The following TRIP6 variants were observed in gnomAD, a reference collection of about 807,000 sequenced individuals.
TRIP6 encodes thyroid hormone receptor interactor 6, also known as thyroid receptor-interacting protein 6.
In TRIP6, 33 loss-of-function variants were observed where a neutral mutation model predicts 51.9. The observed-to-expected ratio is 0.64, with a 90% CI of 0.48 to 0.85. TRIP6 has a LOEUF of 0.85. Among genes scored for constraint, TRIP6 ranks in the 40% least tolerant of loss-of-function variants. The pLI is 0.00. For missense variants in TRIP6, 661 were observed against 652.1 expected (o/e 1.01, Z -0.15); for synonymous variants, 255 against 275.8 (o/e 0.92, Z 0.75).
chr7:100,869,073 G>A (rs1173580747), intron 4 of TRIP6, among the ~76,000 whole-genome samples: 1 of 152,032 alleles, frequency 6.6e-6, no homozygotes, highest in Non-Finnish European at 1.5e-5. Flanking sequence ...TCAGCCTCCT[G>A]AATAACTGGA....
intron 4 of TRIP6, 117 bp downstream of exon 4, chr7:100,868,983 G>A (rs1815212440): frequency 7.6e-7 from 1 of 1,319,746 alleles, no homozygotes; most frequent in South Asian, 2.2e-5. Flanking sequence ...TTTTGCTCTT[G>A]TTTGCCCAGG....
In TRIP6 at chr7:100,873,246, G is replaced by A; in HGVS notation, c.1374G>A (p.Lys458=). ...CYPLDGHILC[K]ACSAWRIQEL... The stretch of plus-strand genomic sequence containing the variant: ...CGCTGGATGGGCACATCTTGTGCAA[G>A]GCCTGCAGCGCCTGGCGCATCCAGG... Residue 458 remains lysine (K), a synonymous_variant, in exon 9 of 9, where the codon AAG becomes AAA. Transcript: ENST00000200457. 1.2e-6 allele frequency: 2 copies of A among 1,613,610 alleles called. No individual in the cohort carries two copies. The highest frequency in any genetic ancestry group is 1.7e-6 in the Non-Finnish European group (2 of 1,179,648).
chr7:100,868,748 G>C lies in TRIP6; in HGVS notation c.617G>C (p.Gly206Ala). 1 of 1,553,612 alleles carries C rather than the reference G, an allele frequency of 6.4e-7. No individual in the cohort carries two copies. Among genetic ancestry groups the C allele is most frequent in the Non-Finnish European group, 8.7e-7 (1 of 1,153,460 alleles). Residue 206 changes from glycine (G) to alanine (A), a missense_variant, in exon 4 of 9, where the codon GGT becomes GCT. By Grantham distance (60) the Gly-to-Ala change is moderately conservative (BLOSUM62 0). Coordinates refer to ENST00000200457, the MANE Select transcript of TRIP6 (RefSeq NM_003302.3). ...PGPHFPLPGR[G>A]EVWGPGYRSQ... The stretch of plus-strand genomic sequence containing the variant: ...CCCCACTTTCCTCTCCCAGGCCGAG[G>C]TGAAGTCTGGGGGCCTGGCTATAGG...
intron 8 of TRIP6, 129 bp downstream of exon 8, chr7:100,872,873 C>T (rs1183671166): frequency 4.4e-5 from 56 of 1,283,704 alleles, no homozygotes; most frequent in South Asian, 7.8e-5. Flanking sequence ...TTTTTTGAGA[C>T]GGAGTCTTGC....
At position 100,873,436 on chromosome 7, in the gene TRIP6, C is replaced by A. The variant is rs1456129544; in HGVS notation, c.*133C>A. Reference sequence around the variant, plus strand: ...CTTTCTCCAATCAAGAAATAATAATCCCTCGAGTTTACAAAACACTTCCAA... The same window carrying A: ...CTTTCTCCAATCAAGAAATAATAATACCTCGAGTTTACAAAACACTTCCAA... On this transcript the variant is annotated 3_prime_UTR_variant, in exon 9 of 9. Coordinates refer to ENST00000200457, the MANE Select transcript of TRIP6 (RefSeq NM_003302.3). The A allele has an allele frequency of 5.9e-6, 8 of 1,352,650 alleles. No homozygotes were observed. Among genetic ancestry groups the A allele is most frequent in the Non-Finnish European group, 6.9e-6 (7 of 1,015,596 alleles). 83.8% of individuals were successfully genotyped at this position (1,352,650 alleles called of 1,614,324 possible).
rs1201926399 is a variant in TRIP6 at position 100,871,705 on chromosome 7, A to G, written c.1162A>G (p.Ile388Val). 5.6e-6 allele frequency: 9 copies of G among 1,613,820 alleles called. No individual in the cohort carries two copies. The African/African-American group carries it at 1.1e-4, about 19-fold the overall frequency. ...GGATGCTACGAGCCAGATCCACTGC[A>G]TTGAGGACTTTCACAGGTCAGGCCT... is the stretch of plus-strand genomic sequence containing the variant. ...TVDATSQIHC[I>V]EDFHRKFAPR... Residue 388 changes from isoleucine to valine, a missense_variant, in exon 7 of 9, where the codon ATT (isoleucine) becomes GTT (valine). By Grantham distance (29) the Ile-to-Val change is conservative (BLOSUM62 3). Coordinates refer to ENST00000200457, the MANE Select transcript of TRIP6 (RefSeq NM_003302.3).
chr7:100,868,380 G>C (rs535914968), intron 3 of TRIP6, 115 bp from the exon 4 acceptor site: 2 of 1,582,940 alleles, frequency 1.3e-6, no homozygotes, highest in Non-Finnish European at 8.6e-7. Flanking sequence ...ACTTGAGGAC[G>C]GGACCTTGTC....
At position 100,868,841 on chromosome 7, in the gene TRIP6, G is replaced by A. The variant is rs911719576; in HGVS notation, c.710G>A (p.Gly237Glu). 1.4e-5 allele frequency: 21 copies of A among 1,515,896 alleles called. No homozygotes were observed. Among genetic ancestry groups the A allele is most frequent in the Non-Finnish European group, 1.8e-5 (20 of 1,137,928 alleles). The allele number at this position is 1,515,896 out of a possible 1,614,324, so 93.9% of individuals were successfully genotyped here. A position where few individuals can be genotyped will look rare whatever the true frequency, so the allele number is the denominator to read the frequency against. The change falls in exon 4 of 9, where the codon GGA (glycine) becomes GAA (glutamate). Residue 237 changes from glycine (G) to glutamate (E), a missense_variant. By Grantham distance (98) the Gly-to-Glu change is moderately conservative. Coordinates refer to ENST00000200457, the MANE Select transcript of TRIP6 (RefSeq NM_003302.3). ...AAGVSGPAGR[G>E]RGGEHGPQVP... is the part of the protein sequence containing the mutation. ...GGGGTCTCTGGCCCTGCAGGAAGAGGAAGAGGAGGCGAGCACGGGCCCCAG... is the reference window on the plus strand; with the variant it reads ...GGGGTCTCTGGCCCTGCAGGAAGAGAAAGAGGAGGCGAGCACGGGCCCCAG...
chr7:100,867,456 C>A lies in TRIP6; in HGVS notation c.-42C>A. 1 of 1,362,698 alleles carries A rather than the reference C, an allele frequency of 7.3e-7. No individual in the cohort carries two copies. 84.4% of individuals were successfully genotyped at this position (1,362,698 alleles called of 1,614,324 possible). A position where few individuals can be genotyped will look rare whatever the true frequency, so the allele number is the denominator to read the frequency against. ...GAAGAGGGGGTGAAGGCCAGAGGCTCGGGGCTTCAAGACCGCTGTCTGGAG... is the reference window on the plus strand; with the variant it reads ...GAAGAGGGGGTGAAGGCCAGAGGCTAGGGGCTTCAAGACCGCTGTCTGGAG... On this transcript the variant is annotated 5_prime_UTR_variant, in exon 1 of 9. Coordinates refer to ENST00000200457, the MANE Select transcript of TRIP6 (RefSeq NM_003302.3). This position sits in a 1 kb window ranked among gnomAD's most constrained non-coding sequence, Gnocchi z 5.4.
chr7:100,872,142 G>C (rs1243009542), intron 7 of TRIP6, among the ~76,000 whole-genome samples: 2 of 145,868 alleles, frequency 1.4e-5, no homozygotes, highest in African/African-American at 5.1e-5. Flanking sequence ...AACCTCCCCA[G>C]TAGCTGGGAT....
intron 4 of TRIP6, among the ~76,000 whole-genome samples, chr7:100,869,254 G>A (rs1406746956): frequency 1.3e-5 from 2 of 151,552 alleles, no homozygotes; most frequent in African/African-American, 4.8e-5. Flanking sequence ...CACCGCGCCT[G>A]GCCAAGGGGC....
intron 4 of TRIP6, among the ~76,000 whole-genome samples, chr7:100,869,805 G>A (rs1439200703): frequency 6.7e-6 from 1 of 148,868 alleles, no homozygotes; most frequent in East Asian, 2.0e-4. Context: ...CATGGACTGG[G>A]GAGGGGGATG....
intron 8 of TRIP6, 123 bp downstream of exon 8, chr7:100,872,867 T>C: frequency 1.5e-6 from 2 of 1,351,554 alleles, no homozygotes; most frequent in Non-Finnish European, 2.0e-6. Context: ...TTTTTTTTTT[T>C]TGAGACGGAG....
Position 100,867,411 on chromosome 7 carries a change from C to A in TRIP6, c.-87C>A. 2 of 1,032,126 alleles carry A rather than the reference C, an allele frequency of 1.9e-6. No individual in the cohort carries two copies. Among genetic ancestry groups the A allele is most frequent in the Non-Finnish European group, 2.7e-6 (2 of 751,226 alleles). 63.9% of individuals were successfully genotyped at this position (1,032,126 alleles called of 1,614,324 possible). On this transcript the variant is annotated 5_prime_UTR_variant, in exon 1 of 9. Coordinates refer to ENST00000200457, the MANE Select transcript of TRIP6 (RefSeq NM_003302.3). The surrounding 1 kb of genome is among the most constrained non-coding windows in gnomAD (Gnocchi z 5.4). ...CAGAAAAAGTTTTCTTTTCTGGAGT[C>A]CCAAACGAGGTGCGGGACGGAAGAG...
chr7:100,869,191 C>T (rs955673773), intron 4 of TRIP6, among the ~76,000 whole-genome samples: 16 of 151,632 alleles, frequency 1.1e-4, no homozygotes, highest in African/African-American at 3.6e-4. Context: ...CTCCCGACCT[C>T]AGGTGATCCG....
Position 100,871,739 on chromosome 7 carries a change from C to T in TRIP6, c.1178+18C>T, listed in dbSNP as rs773809733. Reference sequence around the variant, plus strand: ...TTTCACAGGTCAGGCCTGGCCTCCACCTTGTCTCACAATGTCTGACCTTTC... The same window carrying T: ...TTTCACAGGTCAGGCCTGGCCTCCATCTTGTCTCACAATGTCTGACCTTTC... On this transcript the variant is annotated intron_variant, in intron 7 of 8. Coordinates refer to ENST00000200457, the MANE Select transcript of TRIP6 (RefSeq NM_003302.3). The T allele has an allele frequency of 4.3e-6, 7 of 1,609,722 alleles. No homozygotes were observed. The South Asian group carries it at 6.6e-5, about 15-fold the overall frequency.
At chr7:100,870,533 C>T in intron 5 of TRIP6, 41 bp from the exon 6 acceptor site, 6 of 1,607,642 alleles carry the variant, frequency 3.7e-6, no homozygotes, top group Non-Finnish European at 5.1e-6. Flanking sequence ...CAGTGGCTTC[C>T]TGGGTCTGTG....
intron 8 of TRIP6, 57 bp from the exon 9 acceptor site, chr7:100,873,115 C>T (rs764019016): frequency 5.1e-6 from 8 of 1,580,770 alleles, no homozygotes; most frequent in South Asian, 1.1e-5. Context: ...TCTCAAAGTG[C>T]TGGGATTACA....
intron 3 of TRIP6, 102 bp downstream of exon 3, chr7:100,868,335 G>A: frequency 6.4e-7 from 1 of 1,567,866 alleles, no homozygotes; most frequent in Non-Finnish European, 8.6e-7. Flanking sequence ...CCCCAGCATG[G>A]AGGAAGCGTG....
Sources: allele counts gnomAD v4.1 joint callset (sites outside exome capture counted in the v4.1 genomes callset), GRCh38; gene constraint gnomAD v4.1.1; non-coding constraint Gnocchi (gnomAD v3.1); transcripts MANE v1.5; gene names NCBI Gene and HGNC (gene_info 2026-07-23, HGNC 2026-07-21).